Variants in SENP5 observed in about 807,000 individuals in gnomAD.
The protein encoded by SENP5 is SUMO specific peptidase 5.
SENP5 carries 21 observed loss-of-function variants against 74.2 expected under a neutral mutation model. The observed-to-expected ratio is 0.28, with a 90% CI of 0.20 to 0.41. The LOEUF is 0.41. Ranked by LOEUF, SENP5 falls within the 10% of genes least tolerant of loss-of-function variation. The pLI is 1.00. For missense variants in SENP5, 717 were observed against 889.1 expected, an observed-to-expected ratio of 0.81 and a Z score of 2.46; for synonymous variants, 311 against 312.7, an observed-to-expected ratio of 0.99 and a Z score of 0.06.
intron 5 of SENP5, among the ~76,000 whole-genome samples, chr3:196,901,690 A>G (rs928479846): frequency 1.1e-4 from 16 of 152,226 alleles, no homozygotes; most frequent in East Asian, 1.9e-4. Context: ...TCTGTTATAC[A>G]TTTATAAATT....
intron 2 of SENP5, among the ~76,000 whole-genome samples, chr3:196,889,877 A>AG (rs912543123): frequency 6.6e-6 from 1 of 152,174 alleles, no homozygotes; most frequent in African/African-American, 2.4e-5. Flanking sequence ...TGGAGAGGAA[A>AG]GGGGACACCC....
intron 2 of SENP5, among the ~76,000 whole-genome samples, chr3:196,894,557 C>A (rs1257405648): frequency 6.7e-6 from 1 of 148,460 alleles, no homozygotes; most frequent in African/African-American, 2.5e-5. Flanking sequence ...TAAATTTATT[C>A]CCATGGGTCT....
rs761764177 is a variant in SENP5, at chr3:196,886,464, C to G, written c.1283C>G (p.Pro428Arg). 3.1e-6 allele frequency: 5 copies of G among 1,610,356 alleles called. No homozygotes were observed. In the South Asian group the frequency reaches 5.5e-5, roughly 18 times the overall value. ...ADTSVSSVDGPVSQKAVQNEN... is the reference protein window; with the variant it reads ...ADTSVSSVDGRVSQKAVQNEN... ...ACATCTGTGAGTAGCGTAGATGGGCCTGTGTCCCAAAAGGCTGTTCAAAAT... is the reference window on the plus strand; with the variant it reads ...ACATCTGTGAGTAGCGTAGATGGGCGTGTGTCCCAAAAGGCTGTTCAAAAT... Residue 428 changes from proline to arginine, a missense_variant, in exon 2 of 10, where the codon CCT (proline) becomes CGT (arginine). Around this residue, in one of 4 missense-constraint regions of SENP5, gnomAD observed 567 missense variants for 577.4 expected, o/e 0.98. Transcript: ENST00000323460.
chr3:196,876,616 G>A (rs181034529), intron 1 of SENP5, among the ~76,000 whole-genome samples: 382 of 151,572 alleles, frequency 2.5e-3, no homozygotes, highest in Non-Finnish European at 4.4e-3. Flanking sequence ...TCAGATAGAT[G>A]TGATGGCTCG....
chr3:196,871,428 A>G (rs993312993), intron 1 of SENP5, among the ~76,000 whole-genome samples: 2 of 152,226 alleles, frequency 1.3e-5, no homozygotes, highest in African/African-American at 4.8e-5. Flanking sequence ...TGCAGAGTTA[A>G]CATTGAAACA....
At chr3:196,869,714 G>C (rs1262735928) in intron 1 of SENP5, among the ~76,000 whole-genome samples, 1 of 131,388 alleles carries the variant, frequency 7.6e-6, no homozygotes, top group Non-Finnish European at 1.5e-5. Context: ...AGCTGAGATA[G>C]TGCCATTACA....
At chr3:196,904,730 A>T (rs997657523) in intron 6 of SENP5, among the ~76,000 whole-genome samples, 1 of 152,112 alleles carries the variant, frequency 6.6e-6, no homozygotes, top group African/African-American at 2.4e-5. Flanking sequence ...TGGAGGTTGC[A>T]GTGAGCCGAG....
intron 7 of SENP5, among the ~76,000 whole-genome samples, chr3:196,927,590 C>T (rs1410783980): frequency 6.7e-6 from 1 of 150,294 alleles, no homozygotes; most frequent in Non-Finnish European, 1.5e-5. Flanking sequence ...GAGCTATGAT[C>T]ACGCCATTGT....
intron 2 of SENP5, among the ~76,000 whole-genome samples, chr3:196,897,082 A>G (rs1714471439): frequency 6.6e-6 from 1 of 152,232 alleles, no homozygotes; most frequent in Non-Finnish European, 1.5e-5. Flanking sequence ...CCATGATACT[A>G]GTTTGAAATT....
intron 2 of SENP5, among the ~76,000 whole-genome samples, chr3:196,895,194 T>C (rs1298186619): frequency 6.7e-6 from 1 of 148,890 alleles, no homozygotes; most frequent in Non-Finnish European, 1.5e-5. Context: ...TAACTTCTTT[T>C]TTTTTTTTTT....
chr3:196,927,651 A>AAG, intron 7 of SENP5, 145 bp from the exon 8 acceptor site: 1 of 538,324 alleles, frequency 1.9e-6, no homozygotes, highest in East Asian at 3.1e-5. Context: ...AAAAAAAAAA[A>AAG]AAAAATTGTT....
chr3:196,917,396 A>G (rs1715425227), intron 6 of SENP5, among the ~76,000 whole-genome samples: 1 of 152,146 alleles, frequency 6.6e-6, no homozygotes. Flanking sequence ...GAGGGTAGAA[A>G]CTTCACTCAG....
intron 5 of SENP5, among the ~76,000 whole-genome samples, chr3:196,901,139 G>A (rs964809953): frequency 3.3e-5 from 5 of 149,686 alleles, no homozygotes; most frequent in African/African-American, 9.9e-5. Context: ...TCCACCTCCT[G>A]GGTTCAAGCA....
At chr3:196,914,186 T>G (rs1465028307) in intron 6 of SENP5, 2 of 152,158 alleles carry the variant, frequency 1.3e-5, no homozygotes. Context: ...TTTGCAGACC[T>G]TATGGTCTTT....
chr3:196,900,253 A>T (rs573481968), intron 4 of SENP5, 112 bp from the exon 5 acceptor site: 1 of 1,114,688 alleles, frequency 9.0e-7, no homozygotes, highest in African/African-American at 1.6e-5. Context: ...TCTGATTGGG[A>T]TGTACTGAAT....
intron 6 of SENP5, among the ~76,000 whole-genome samples, chr3:196,906,549 C>G (rs1367645550): frequency 3.9e-5 from 6 of 152,102 alleles, no homozygotes; most frequent in Non-Finnish European, 2.9e-5. Context: ...GGGAATGTTT[C>G]TCATAGGAAG....
intron 1 of SENP5, among the ~76,000 whole-genome samples, chr3:196,876,648 C>T (rs1013788700): frequency 2.7e-5 from 4 of 150,182 alleles, no homozygotes; most frequent in Non-Finnish European, 3.0e-5. Flanking sequence ...TCAGCTCTTT[C>T]GGTGGGCGGA....
chr3:196,914,582 A>ATATATATAT (rs1217677663), intron 6 of SENP5: 83 of 65,844 alleles, frequency 1.3e-3, no homozygotes, highest in Non-Finnish European at 1.9e-3. Context: ...AAAAAAAAAA[A>ATATATATAT]AAAAATATAT....
At chr3:196,929,751 G>A (rs1312499592) in intron 9 of SENP5, 68 bp downstream of exon 9, 2 of 1,057,022 alleles carry the variant, frequency 1.9e-6, no homozygotes, top group Non-Finnish European at 1.5e-6. Flanking sequence ...AGAGGGGAGA[G>A]ATGGCAGTTC....
Sources: gnomAD v4.1 joint callset for allele counts (sites outside exome capture counted in the v4.1 genomes callset) on GRCh38, gnomAD v4.1.1 for gene constraint, gnomAD v4.1.1 regional missense constraint, MANE v1.5 for transcripts, NCBI Gene and HGNC (gene_info 2026-07-23, HGNC 2026-07-21) for gene names.